Variants in AGBL1 observed in about 807,000 individuals in gnomAD.
AGBL1 encodes the protein AGBL carboxypeptidase 1.
In AGBL1, 130 loss-of-function variants were observed where a neutral mutation model predicts 118.9. The observed-to-expected ratio is 1.09, with a 90% CI of 0.95 to 1.26. AGBL1 has a LOEUF of 1.26. Ranked by LOEUF, AGBL1 falls within the 50% of genes most tolerant of loss-of-function variation. AGBL1 has a pLI of 0.00. For synonymous variants in AGBL1, 555 were observed against 478.9 expected (o/e 1.16, Z -2.08); for missense variants, 1,584 against 1,298.1 (o/e 1.22, Z -3.38).
chr15:86,477,330 G>A (rs2082574757), intron 18 of AGBL1, among the ~76,000 whole-genome samples: 1 of 152,058 alleles, frequency 6.6e-6, no homozygotes, highest in Admixed American at 6.6e-5. Context: ...TTGATAGACT[G>A]CTAGCAAGAC....
At chr15:86,607,000 G>C (rs2084586946) in intron 21 of AGBL1, among the ~76,000 whole-genome samples, 1 of 152,010 alleles carries the variant, frequency 6.6e-6, no homozygotes. Context: ...GGAAATTACT[G>C]AATTTTAAAA....
rs1329719708 is a variant in AGBL1, at chr15:86,567,910, G to A, written c.2994+13373G>A. Among the ~76,000 whole-genome samples the A allele has an allele frequency of 2.0e-5, 3 of 152,136 alleles. No individual in the cohort carries two copies. In the East Asian group the frequency reaches 5.8e-4, roughly 29 times the overall value. On this transcript the variant is annotated intron_variant, in intron 21 of 22. Coordinates refer to ENST00000614907, the MANE Select transcript of AGBL1 (RefSeq NM_001386094.1). ...GCTGCCCAGAGACCAGTTACTGAGA[G>A]ACTGAGGCAGGATAGTCAGACCAGA...
chr15:86,320,775 C>G (rs1002051770), intron 17 of AGBL1, among the ~76,000 whole-genome samples: 13 of 151,690 alleles, frequency 8.6e-5, no homozygotes, highest in African/African-American at 3.1e-4. Context: ...ATGTGTCTTT[C>G]TATTCCCCAC....
At chr15:86,269,543 G>C (rs1316190539) in intron 13 of AGBL1, among the ~76,000 whole-genome samples, 10 of 152,094 alleles carry the variant, frequency 6.6e-5, no homozygotes, top group Non-Finnish European at 1.5e-4. Context: ...AACCCAAAAA[G>C]TGTTAAATGC....
intron 17 of AGBL1, among the ~76,000 whole-genome samples, chr15:86,389,576 C>T (rs898532977): frequency 1.3e-5 from 2 of 152,066 alleles, no homozygotes; most frequent in African/African-American, 4.8e-5. Context: ...TTTGTAGATG[C>T]AGCAAGGAGT....
At chr15:86,636,758 T>TACACAC (rs138402400) in intron 21 of AGBL1, among the ~76,000 whole-genome samples, 1 of 29,984 alleles carries the variant, frequency 3.3e-5, no homozygotes, top group Non-Finnish European at 6.1e-5. Flanking sequence ...TATATATATA[T>TACACAC]ACACATACAT....
intron 23 of AGBL1, among the ~76,000 whole-genome samples, chr15:86,947,862 A>C (rs1021577368): frequency 6.6e-6 from 1 of 152,214 alleles, no homozygotes; most frequent in South Asian, 2.1e-4. Context: ...TAGATTTTAC[A>C]TTAAAAATAT....
intron 24 of AGBL1, among the ~76,000 whole-genome samples, chr15:87,003,416 C>CA (rs202198429): frequency 0.52 from 77,919 of 148,970 alleles, 22,292 homozygotes; most frequent in South Asian, 0.71. Context: ...CAATGTTCAT[C>CA]GGGATATTGG....
chr15:86,510,013 T>G (rs1329421176), intron 18 of AGBL1, among the ~76,000 whole-genome samples: 1 of 150,110 alleles, frequency 6.7e-6, no homozygotes, highest in African/African-American at 2.4e-5. Flanking sequence ...TACCAGGAAA[T>G]CAAGGAAAAG....
intron 1 of AGBL1, among the ~76,000 whole-genome samples, chr15:86,096,963 T>C (rs539322981): frequency 9.9e-5 from 15 of 152,246 alleles, no homozygotes; most frequent in Admixed American, 4.6e-4. Context: ...TAGGCATTAA[T>C]AGGAGGGACC....
At chr15:86,639,383 A>G (rs1269673318) in intron 21 of AGBL1, among the ~76,000 whole-genome samples, 1 of 152,218 alleles carries the variant, frequency 6.6e-6, no homozygotes, top group Non-Finnish European at 1.5e-5. Context: ...AAGCAACTCC[A>G]AAGTGTTACT....
intron 21 of AGBL1, among the ~76,000 whole-genome samples, chr15:86,584,238 C>A (rs542508398): frequency 6.6e-6 from 1 of 152,104 alleles, no homozygotes; most frequent in African/African-American, 2.4e-5. Context: ...CTTTTGAGGA[C>A]TTGGTCATAA....
At chr15:86,786,551 G>T (rs1218690023) in intron 22 of AGBL1, among the ~76,000 whole-genome samples, 1 of 151,910 alleles carries the variant, frequency 6.6e-6, no homozygotes, top group Non-Finnish European at 1.5e-5. Flanking sequence ...AAATAAAATG[G>T]TTATCCTCTC....
chr15:86,134,225 A>G lies in AGBL1; in HGVS notation c.52-7779A>G, dbSNP rs189315261. On this transcript the variant is annotated intron_variant, in intron 1 of 22. Transcript: ENST00000614907. ...TCATTCATTAACAACTTCAAATTTA[A>G]TAATGTCTTTTATTTAACCAGTGGA... Among the ~76,000 whole-genome samples the G allele has an allele frequency of 2.0e-3, 299 of 152,080 alleles. 2 individuals carry two copies. The highest frequency in any genetic ancestry group is 6.9e-3 in the African/African-American group (285 of 41,344).
At chr15:86,809,762 A>G (rs187908486) in intron 22 of AGBL1, among the ~76,000 whole-genome samples, 6 of 152,246 alleles carry the variant, frequency 3.9e-5, no homozygotes, top group Non-Finnish European at 7.4e-5. Context: ...CCATTCATCT[A>G]TATTATTTTG....
At chr15:87,002,328 T>C (rs1023931754) in intron 24 of AGBL1, among the ~76,000 whole-genome samples, 4 of 151,984 alleles carry the variant, frequency 2.6e-5, no homozygotes, top group South Asian at 4.1e-4. Flanking sequence ...TTCTGTTCCA[T>C]TGTTCTATAT....
intron 21 of AGBL1, among the ~76,000 whole-genome samples, chr15:86,641,802 A>G (rs564950404): frequency 1.3e-5 from 2 of 152,236 alleles, no homozygotes; most frequent in African/African-American, 4.8e-5. Flanking sequence ...TCAGTCAACT[A>G]TTTTTGCAGC....
chr15:86,874,929 C>T (rs777919872), intron 22 of AGBL1, among the ~76,000 whole-genome samples: 30 of 151,972 alleles, frequency 2.0e-4, no homozygotes, highest in Non-Finnish European at 4.1e-4. Flanking sequence ...CCGGCATGAC[C>T]TCCAACCTCA....
chr15:86,804,328 G>C (rs1396883458), intron 22 of AGBL1, among the ~76,000 whole-genome samples: 1 of 152,128 alleles, frequency 6.6e-6, no homozygotes, highest in Non-Finnish European at 1.5e-5. Context: ...TAGTATTACT[G>C]ACTGTTGAGA....
Sources: gnomAD v4.1 joint callset for allele counts (sites outside exome capture counted in the v4.1 genomes callset) on GRCh38, gnomAD v4.1.1 for gene constraint, MANE v1.5 for transcripts, NCBI Gene and HGNC (gene_info 2026-07-23, HGNC 2026-07-21) for gene names.